The following AGAP1 variants were observed in gnomAD, a reference collection of about 807,000 sequenced individuals.
AGAP1 encodes arf-GAP with GTPase, ANK repeat and PH domain-containing protein 1.
Under a neutral mutation model 105.3 loss-of-function variants are expected in AGAP1, and 29 were observed. The observed-to-expected ratio is 0.28, with a 90% confidence interval of 0.21 to 0.38. The LOEUF (loss-of-function observed/expected upper bound fraction) is 0.38, where lower values mean the gene tolerates loss of function less well. Ranked by LOEUF, AGAP1 falls within the 10% of genes least tolerant of loss-of-function variation. The probability of loss-of-function intolerance (pLI) is 1.00; values close to 1 mark genes in which losing one functional copy is unlikely to be tolerated. For missense variants in AGAP1, 998 were observed against 1,165.1 expected, an observed-to-expected ratio of 0.86 and a Z score of 2.09; for synonymous variants, 509 against 485.9, an observed-to-expected ratio of 1.05 and a Z score of -0.63.
rs1031940558 is a variant in AGAP1 at position 235,793,814 on chromosome 2, G to A, written c.674-3945G>A. ...ATTGGGCATTATGTCAGGATTTAAT[G>A]AAGTCTTGTTTGGGAGCTGTTGTCT... is the stretch of plus-strand genomic sequence containing the variant. On this transcript the variant is annotated intron_variant, in intron 6 of 17. Transcript: ENST00000304032. The surrounding 1 kb of genome is among the most constrained non-coding windows in gnomAD (Gnocchi z 5.3). Among the ~76,000 whole-genome samples the A allele has an allele frequency of 6.6e-6, 1 of 152,292 alleles. No homozygotes were observed. Among genetic ancestry groups the A allele is most frequent in the Admixed American group, 6.5e-5 (1 of 15,304 alleles).
chr2:235,812,407 G>T (rs902841823), intron 9 of AGAP1, among the ~76,000 whole-genome samples: 1 of 152,312 alleles, frequency 6.6e-6, no homozygotes, highest in Middle Eastern at 3.4e-3. Context: ...AGAGGCAATT[G>T]TCAATTAAGT....
Position 236,038,817 on chromosome 2 carries a change from GTA to G in AGAP1, c.1801-1932_1801-1931del, listed in dbSNP as rs112489634. Reference sequence around the variant, plus strand: ...CAGAGAGACAGAGGCACATCCCTTTGTATGTGTGTGTGTGTGTGTGTGTGTGT... The same window carrying G: ...CAGAGAGACAGAGGCACATCCCTTTGTGTGTGTGTGTGTGTGTGTGTGTGT... On this transcript the variant is annotated intron_variant, in intron 14 of 17. Transcript: ENST00000304032. The surrounding 1 kb of genome is among the most constrained non-coding windows in gnomAD (Gnocchi z 4.5). 0.18 allele frequency among the ~76,000 whole-genome samples: 12,705 copies of G among 71,994 alleles called. 554 individuals carry two copies. Among genetic ancestry groups the G allele is most frequent in the Middle Eastern group, 0.24 (30 of 124 alleles). The allele number at this position is 71,994 out of a possible 152,430, so 47.2% of individuals were successfully genotyped here. A position where few individuals can be genotyped will look rare whatever the true frequency, so the allele number is the denominator to read the frequency against.
Position 235,888,328 on chromosome 2 carries a change from C to T in AGAP1, c.1155+4879C>T, listed in dbSNP as rs1421879451. ...CCTCTGTGACACAGGGATGTTCAGG[C>T]ATAGTAGCTGATGTCAGAGGATTGC... is the stretch of plus-strand genomic sequence containing the variant. On this transcript the variant is annotated intron_variant, in intron 10 of 17. Transcript: ENST00000304032. This position sits in a 1 kb window ranked among gnomAD's most constrained non-coding sequence, Gnocchi z 4.8. Among the ~76,000 whole-genome samples the T allele has an allele frequency of 6.6e-6, 1 of 152,042 alleles. No individual in the cohort carries two copies. Among genetic ancestry groups the T allele is most frequent in the African/African-American group, 2.4e-5 (1 of 41,412 alleles).
rs942284578 is a variant in AGAP1, at chr2:236,061,811, T to A, written c.2114+12530T>A. 6.0e-5 allele frequency among the ~76,000 whole-genome samples: 9 copies of A among 150,436 alleles called. No homozygotes were observed. The highest frequency in any genetic ancestry group is 1.2e-4 in the Non-Finnish European group (8 of 67,822). On this transcript the variant is annotated intron_variant, in intron 16 of 17. Coordinates refer to ENST00000304032, the MANE Select transcript of AGAP1 (RefSeq NM_001037131.3). This position sits in a 1 kb window ranked among gnomAD's most constrained non-coding sequence, Gnocchi z 4.1. ...AGTGATGGTTGTACATCCTTGCAAA[T>A]ATACTAAAAACCACTGAGTTGTACA... is the stretch of plus-strand genomic sequence containing the variant.
chr2:236,064,761 G>C (rs1054079210), intron 16 of AGAP1, among the ~76,000 whole-genome samples: 1 of 152,158 alleles, frequency 6.6e-6, no homozygotes, highest in East Asian at 1.9e-4. Flanking sequence ...GAAGAGCCTC[G>C]CACCCTTCCT....
Position 235,639,866 on chromosome 2 carries a change from G to A in AGAP1, c.164-69313G>A, listed in dbSNP as rs898027346. Among the ~76,000 whole-genome samples the A allele has an allele frequency of 2.0e-5, 3 of 152,118 alleles. No individual in the cohort carries two copies. Among genetic ancestry groups the A allele is most frequent in the South Asian group, 2.1e-4 (1 of 4,820 alleles). ...ATTTGCAACGTCTTGAGGGGTCCACGGATTGATAGAGTCAGCAGGGATGGA... is the reference window on the plus strand; with the variant it reads ...ATTTGCAACGTCTTGAGGGGTCCACAGATTGATAGAGTCAGCAGGGATGGA... On this transcript the variant is annotated intron_variant, in intron 1 of 17. Transcript: ENST00000304032. This position sits in a 1 kb window ranked among gnomAD's most constrained non-coding sequence, Gnocchi z 5.3.
At position 235,970,295 on chromosome 2, in the gene AGAP1, G is replaced by A. The variant is rs372082253; in HGVS notation, c.1645+1672G>A. ...TAAGTCAGCGATGGTGGAAAATAAT[G>A]GTTATGGGTCAGAGCAGCCACAGAT... On this transcript the variant is annotated intron_variant, in intron 13 of 17. Coordinates refer to ENST00000304032, the MANE Select transcript of AGAP1 (RefSeq NM_001037131.3). The surrounding 1 kb of genome is among the most constrained non-coding windows in gnomAD (Gnocchi z 5.4). 2.6e-5 allele frequency among the ~76,000 whole-genome samples: 4 copies of A among 152,048 alleles called. No individual in the cohort carries two copies. In the South Asian group the frequency reaches 8.3e-4, roughly 32 times the overall value.
chr2:236,020,472 G>A lies in AGAP1; in HGVS notation c.1646-16089G>A, dbSNP rs2056848776. Among the ~76,000 whole-genome samples, 1 of 152,214 alleles carries A rather than the reference G, an allele frequency of 6.6e-6. No homozygotes were observed. Among genetic ancestry groups the A allele is most frequent in the Non-Finnish European group, 1.5e-5 (1 of 68,040 alleles). On this transcript the variant is annotated intron_variant, in intron 13 of 17. Transcript: ENST00000304032. The surrounding 1 kb of genome is among the most constrained non-coding windows in gnomAD (Gnocchi z 5.0). ...CATCTGAGAAGAATCGTCAGTTGTA[G>A]AAATTTGGCTAAAAGCGTGAGCTGT...
In AGAP1 at chr2:235,930,444, C is replaced by T. The variant is rs1257668246; in HGVS notation, c.1325-321C>T. On this transcript the variant is annotated intron_variant, in intron 11 of 17. Transcript: ENST00000304032. This position sits in a 1 kb window ranked among gnomAD's most constrained non-coding sequence, Gnocchi z 7.9. ...ATCGCGGTGTCTCTGCTAAGACTCG[C>T]TGGGTCTTTTGTCTTCACTTCCACT... Among the ~76,000 whole-genome samples, 1 of 152,206 alleles carries T rather than the reference C, an allele frequency of 6.6e-6. No homozygotes were observed. Among genetic ancestry groups the T allele is most frequent in the Non-Finnish European group, 1.5e-5 (1 of 68,044 alleles).
intron 6 of AGAP1, among the ~76,000 whole-genome samples, chr2:235,767,521 A>G (rs1425619683): frequency 1.3e-5 from 2 of 152,226 alleles, no homozygotes; most frequent in Non-Finnish European, 2.9e-5. Flanking sequence ...GAGAGAGATG[A>G]AGCCTCAAAG....
rs147883980 is a variant in AGAP1, at chr2:235,685,649, C to T, written c.164-23530C>T. Among the ~76,000 whole-genome samples, 613 of 152,042 alleles carry T rather than the reference C, an allele frequency of 4.0e-3. 2 individuals carry two copies. The highest frequency in any genetic ancestry group is 7.5e-3 in the Non-Finnish European group (513 of 67,982). ...GTTTTCAAAACACAATGAAAAATGA[C>T]TAGTCATGCCATATTGTTAGCACCT... is the stretch of plus-strand genomic sequence containing the variant. On this transcript the variant is annotated intron_variant, in intron 1 of 17. Coordinates refer to ENST00000304032, the MANE Select transcript of AGAP1 (RefSeq NM_001037131.3).
intron 14 of AGAP1, among the ~76,000 whole-genome samples, chr2:236,039,457 A>G (rs1160994637): frequency 6.6e-6 from 1 of 152,204 alleles, no homozygotes; most frequent in African/African-American, 2.4e-5. Context: ...GGAAAAAGGT[A>G]CATATCCAGT....
chr2:235,713,739 T>C (rs1365328997), intron 2 of AGAP1, among the ~76,000 whole-genome samples: 3 of 152,156 alleles, frequency 2.0e-5, no homozygotes, highest in Non-Finnish European at 4.4e-5. Context: ...TAACAAAATA[T>C]CATACACTGA....
At position 236,095,697 on chromosome 2, in the gene AGAP1, A is replaced by G. The variant is rs1176141994; in HGVS notation, c.2115-24495A>G. 6.6e-6 allele frequency among the ~76,000 whole-genome samples: 1 copy of G among 152,174 alleles called. No individual in the cohort carries two copies. Among genetic ancestry groups the G allele is most frequent in the Admixed American group, 6.5e-5 (1 of 15,278 alleles). The stretch of plus-strand genomic sequence containing the variant: ...AAAATGCATAAAACTAATTAGAATA[A>G]TGCTGACAATGTAAAATTGTGGGAA... On this transcript the variant is annotated intron_variant, in intron 16 of 17. Transcript: ENST00000304032. This position sits in a 1 kb window ranked among gnomAD's most constrained non-coding sequence, Gnocchi z 4.1.
In AGAP1 at chr2:235,629,714, TAA is replaced by T. The variant is rs71064865; in HGVS notation, c.164-79451_164-79450del. Among the ~76,000 whole-genome samples, 288 of 140,772 alleles carry T rather than the reference TAA, an allele frequency of 2.0e-3. 2 individuals carry two copies. The highest frequency in any genetic ancestry group is 6.7e-3 in the African/African-American group (256 of 38,142). 92.4% of individuals were successfully genotyped at this position (140,772 alleles called of 152,430 possible). A position where few individuals can be genotyped will look rare whatever the true frequency, so the allele number is the denominator to read the frequency against. Reference sequence around the variant, plus strand: ...TAAGACCCTATCTCTACAATAAATGTAAAAAAAAAAAAAAATAGCTGGACGTG... The same window carrying T: ...TAAGACCCTATCTCTACAATAAATGTAAAAAAAAAAAAATAGCTGGACGTG... On this transcript the variant is annotated intron_variant, in intron 1 of 17. Coordinates refer to ENST00000304032, the MANE Select transcript of AGAP1 (RefSeq NM_001037131.3).
intron 1 of AGAP1, among the ~76,000 whole-genome samples, chr2:235,629,558 G>A (rs11678801): frequency 6.6e-6 from 1 of 151,912 alleles, no homozygotes; most frequent in African/African-American, 2.4e-5. Flanking sequence ...GACTTCATGA[G>A]GTATTTTAAG....
At chr2:236,098,439 G>A (rs138740801) in intron 16 of AGAP1, among the ~76,000 whole-genome samples, 16 of 151,960 alleles carry the variant, frequency 1.1e-4, no homozygotes, top group African/African-American at 3.6e-4. Context: ...GCATGGTGGT[G>A]CACGCCTGTA....
At chr2:235,975,250 C>A (rs1232442879) in intron 13 of AGAP1, among the ~76,000 whole-genome samples, 2 of 152,104 alleles carry the variant, frequency 1.3e-5, no homozygotes, top group African/African-American at 2.4e-5. Context: ...TACCTTTTAC[C>A]TGAGGACTTT....
chr2:235,967,123 G>A lies in AGAP1; in HGVS notation c.1484-1339G>A, dbSNP rs13432648. Among the ~76,000 whole-genome samples, 358 of 151,782 alleles carry A rather than the reference G, an allele frequency of 2.4e-3. No individual in the cohort carries two copies. The highest frequency in any genetic ancestry group is 8.3e-3 in the African/African-American group (345 of 41,378). ...CCCCTCCTCTCCAGTGCCACCTTCC[G>A]CAGGCCTCTCCCACCCACACCGGCC... On this transcript the variant is annotated intron_variant, in intron 12 of 17. Coordinates refer to ENST00000304032, the MANE Select transcript of AGAP1 (RefSeq NM_001037131.3). This position sits in a 1 kb window ranked among gnomAD's most constrained non-coding sequence, Gnocchi z 4.7.
Sources: gnomAD v4.1 joint callset for allele counts (sites outside exome capture counted in the v4.1 genomes callset) on GRCh38, gnomAD v4.1.1 for gene constraint, Gnocchi (gnomAD v3.1) non-coding constraint, MANE v1.5 for transcripts, NCBI Gene and HGNC (gene_info 2026-07-23, HGNC 2026-07-21) for gene names.